MTMR1: variants seen among roughly 807,000 people sequenced by gnomAD.
MTMR1 encodes the protein phosphatidylinositol-3-phosphate phosphatase MTMR1.
A neutral mutation model predicts 51.6 loss-of-function variants in MTMR1; 17 were observed. The observed-to-expected ratio is 0.33, with a 90% CI of 0.23 to 0.49. The LOEUF (loss-of-function observed/expected upper bound fraction) is 0.49, where lower values mean the gene tolerates loss of function less well. MTMR1 is among the 20% of genes least tolerant of loss of function. The pLI is 0.99. For missense variants in MTMR1, 386 were observed against 526.9 expected (o/e 0.73, Z 2.62); for synonymous variants, 201 against 205.6 (o/e 0.98, Z 0.19).
At chrX:150,742,203 G>C (rs1295579838) in intron 12 of MTMR1, among the ~76,000 whole-genome samples, 3 of 112,225 alleles carry the variant, frequency 2.7e-5, no homozygotes, top group Non-Finnish European at 5.6e-5. Flanking sequence ...CAGAAACCTA[G>C]ATGGATAACC....
chrX:150,716,879 T>C (rs781793916), intron 3 of MTMR1, among the ~76,000 whole-genome samples: 50 of 112,615 alleles, frequency 4.4e-4, no homozygotes, highest in African/African-American at 1.5e-3. Context: ...TTTAAAAATA[T>C]TTTGCTTTAC....
chrX:150,756,583 TGAA>T (rs782791767), intron 15 of MTMR1, among the ~76,000 whole-genome samples: 147 of 112,175 alleles, frequency 1.3e-3, no homozygotes, highest in African/African-American at 4.5e-3. Flanking sequence ...TTCTGGGTGG[TGAA>T]GAAGACAGAT....
At chrX:150,748,540 G>A (rs782624667) in intron 13 of MTMR1, among the ~76,000 whole-genome samples, 3 of 110,331 alleles carry the variant, frequency 2.7e-5, no homozygotes, top group South Asian at 3.9e-4. Context: ...TATTTGAGCC[G>A]GGCACGGTAG....
At chrX:150,699,000 T>C (rs1437996733) in intron 1 of MTMR1, among the ~76,000 whole-genome samples, 195 bp from the exon 2 acceptor site, 1 of 112,573 alleles carries the variant, frequency 8.9e-6, no homozygotes, top group Non-Finnish European at 1.9e-5. Context: ...GTGATTCATT[T>C]AAAATTAACC....
chrX:150,731,042 T>C (rs1321536288), intron 8 of MTMR1, among the ~76,000 whole-genome samples: 1 of 112,216 alleles, frequency 8.9e-6, no homozygotes, highest in Admixed American at 9.4e-5. Flanking sequence ...TAAGATCTTA[T>C]TTTCATGACG....
intron 15 of MTMR1, among the ~76,000 whole-genome samples, chrX:150,759,224 C>G (rs1279289370): frequency 8.9e-6 from 1 of 112,656 alleles, no homozygotes; most frequent in Non-Finnish European, 1.9e-5. Context: ...CTTCCAGCAC[C>G]TTCCTCTTCA....
chrX:150,700,790 C>T (rs1408661983), intron 2 of MTMR1, among the ~76,000 whole-genome samples: 2 of 112,688 alleles, frequency 1.8e-5, no homozygotes, highest in African/African-American at 3.2e-5. Context: ...TATGAGTTAA[C>T]TGTAATGTTT....
intron 3 of MTMR1, chrX:150,714,444 T>A: frequency 1.1e-6 from 1 of 941,216 alleles, no homozygotes; most frequent in Non-Finnish European, 1.4e-6. Context: ...TTCTCCTCTT[T>A]GCCTTTTCTT....
At chrX:150,707,158 AAAG>A (rs1404856597) in intron 2 of MTMR1, among the ~76,000 whole-genome samples, 6 of 112,141 alleles carry the variant, frequency 5.4e-5, no homozygotes, top group South Asian at 3.7e-4. Flanking sequence ...TTTACAGAAA[AAAG>A]AAAATCTTAA....
chrX:150,712,195 A>T, intron 2 of MTMR1, 147 bp from the exon 3 acceptor site: 1 of 458,934 alleles, frequency 2.2e-6, no homozygotes, highest in Non-Finnish European at 3.7e-6. Context: ...TGAAACTTAG[A>T]GGGCAAATGT....
At chrX:150,762,041 T>G (rs1250495972) in intron 15 of MTMR1, among the ~76,000 whole-genome samples, 1 of 112,653 alleles carries the variant, frequency 8.9e-6, no homozygotes, top group Non-Finnish European at 1.9e-5. Context: ...TCCGGGGGGC[T>G]TCTGGCAGAT....
At position 150,751,120 on chromosome X, in the gene MTMR1, T is replaced by C. The variant is rs781946131; in HGVS notation, c.1680+277T>C. 1.9e-5 allele frequency: 20 copies of C among 1,038,632 alleles called. No homozygotes were observed. The East Asian group carries it at 8.8e-4, about 46-fold the overall frequency. 85.6% of individuals were successfully genotyped at this position (1,038,632 alleles called of 1,213,427 possible). ...ACCTCCTGACTCCGAGTTCATGTAG[T>C]CTCCGCTGCACCAACTCCAAAACCG... On this transcript the variant is annotated intron_variant, in intron 14 of 15. Coordinates refer to ENST00000445323, the MANE Select transcript of MTMR1 (RefSeq NM_001306144.3).
Position 150,718,717 on chromosome X carries a change from C to T in MTMR1, c.352+17C>T, listed in dbSNP as rs2041645085. ...AAGCCATTGGTAAGTTTAGTGTGTA[C>T]ACTTCGCTTTTTGAGATCCATAAAA... On this transcript the variant is annotated intron_variant, in intron 4 of 15. Transcript: ENST00000445323. 8.9e-7 allele frequency: 1 copy of T among 1,122,123 alleles called. No individual in the cohort carries two copies. Among genetic ancestry groups the T allele is most frequent in the African/African-American group, 1.9e-5 (1 of 51,563 alleles). The allele number at this position is 1,122,123 out of a possible 1,213,427, so 92.5% of individuals were successfully genotyped here.
At chrX:150,754,118 G>A (rs1557417674) in intron 14 of MTMR1, among the ~76,000 whole-genome samples, 1 of 112,924 alleles carries the variant, frequency 8.9e-6, no homozygotes, top group Non-Finnish European at 1.9e-5. Flanking sequence ...CCTTGTTGAA[G>A]ATCAGTTGAC....
At position 150,731,545 on chromosome X, in the gene MTMR1, A is replaced by G. The variant is rs1557416994; in HGVS notation, c.817A>G (p.Ile273Val). 1.7e-6 allele frequency: 2 copies of G among 1,209,215 alleles called. No homozygotes were observed. The highest frequency in any genetic ancestry group is 4.4e-5 in the Admixed American group (2 of 45,702). The change falls in exon 9 of 16, where the codon ATT (isoleucine) becomes GTT (valine). Residue 273 changes from isoleucine (I) to valine (V), a missense_variant. By Grantham distance (29) the Ile-to-Val change is conservative (BLOSUM62 3). Transcript: ENST00000445323. ...GTTCTGTGACACCTACCCTGCCATC[A>G]TTGTTGTGCCAACTAGTGTAAAAGA... ...YEFCDTYPAI[I>V]VVPTSVKDDD...
chrX:150,736,342 G>C (rs1381699188), intron 10 of MTMR1: 1 of 320,646 alleles, frequency 3.1e-6, no homozygotes, highest in East Asian at 4.9e-5. Flanking sequence ...AGTGTTCGGA[G>C]GAAGCATGGC....
At chrX:150,759,506 C>T (rs1448076833) in intron 15 of MTMR1, among the ~76,000 whole-genome samples, 1 of 99,987 alleles carries the variant, frequency 1.0e-5, no homozygotes. Flanking sequence ...CTGCAGGAGA[C>T]CCCCGTACCC....
intron 8 of MTMR1, 51 bp from the exon 9 acceptor site, chrX:150,731,419 A>G: frequency 9.6e-7 from 1 of 1,038,545 alleles, no homozygotes; most frequent in Non-Finnish European, 1.3e-6. Flanking sequence ...ACTTTTTCAA[A>G]GTGTAAAGTC....
At chrX:150,718,179 CT>C (rs1295075445) in intron 3 of MTMR1, among the ~76,000 whole-genome samples, 1 of 112,538 alleles carries the variant, frequency 8.9e-6, no homozygotes, top group Non-Finnish European at 1.9e-5. Context: ...GACTTCTGGC[CT>C]TCCCAAACTT....
Sources: allele counts gnomAD v4.1 joint callset (sites outside exome capture counted in the v4.1 genomes callset), GRCh38; gene constraint gnomAD v4.1.1; transcripts MANE v1.5; gene names NCBI Gene and HGNC (gene_info 2026-07-23, HGNC 2026-07-21).